TGM5: variants seen among roughly 807,000 people sequenced by gnomAD.
The protein encoded by TGM5 is protein-glutamine gamma-glutamyltransferase 5.
In TGM5, 69 loss-of-function variants were observed where a neutral mutation model predicts 77.2. That is an observed-to-expected ratio of 0.89 (90% CI 0.74 to 1.09). The LOEUF is 1.09. Ranked by LOEUF, TGM5 falls within the 50% of genes least tolerant of loss-of-function variation. The pLI is 0.00. For synonymous variants in TGM5, 346 were observed against 351.8 expected (o/e 0.98, Z 0.18); for missense variants, 842 against 896.5 (o/e 0.94, Z 0.78).
intron 6 of TGM5, among the ~76,000 whole-genome samples, chr15:43,251,572 C>A (rs2042703774): frequency 6.6e-6 from 1 of 152,186 alleles, no homozygotes; most frequent in Admixed American, 6.5e-5. Flanking sequence ...CCTTGCTTGG[C>A]TTCTCTCCCC....
At position 43,238,886 on chromosome 15, in the gene TGM5, A is replaced by G; in HGVS notation, c.1276T>C (p.Phe426Leu). Residue 426 changes from phenylalanine to leucine, a missense_variant, in exon 9 of 13, where the codon TTT (phenylalanine) becomes CTT (leucine). Coordinates refer to ENST00000220420, the MANE Select transcript of TGM5 (RefSeq NM_201631.4). ...LHQDTSSVGN[F>L]ISTKSIQSDE... ...CTCTGGATGCTCTTTGTGCTGATAA[A>G]ATTGCCAACAGAACTCGTGTCCTGG... 1.2e-6 allele frequency: 2 copies of G among 1,614,160 alleles called. No individual in the cohort carries two copies. Among genetic ancestry groups the G allele is most frequent in the Non-Finnish European group, 1.7e-6 (2 of 1,180,028 alleles).
intron 6 of TGM5, among the ~76,000 whole-genome samples, chr15:43,241,959 A>C (rs982798882): frequency 1.4e-4 from 22 of 152,200 alleles, no homozygotes; most frequent in African/African-American, 5.3e-4. Context: ...TTTTAAGTAC[A>C]GGAAAATCTG....
Position 43,266,909 on chromosome 15 carries a change from C to A in TGM5, c.-60G>T. 1 of 1,611,542 alleles carries A rather than the reference C, an allele frequency of 6.2e-7. No individual in the cohort carries two copies. The highest frequency in any genetic ancestry group is 8.5e-7 in the Non-Finnish European group (1 of 1,178,768). On this transcript the variant is annotated 5_prime_UTR_variant, in exon 1 of 13. Coordinates refer to ENST00000220420, the MANE Select transcript of TGM5 (RefSeq NM_201631.4). ...AGAACAGCTGGGCGGTCTGGAGCTTCAGCAAACTGGTGCCAGAGTGTCTAC... is the reference window on the plus strand; with the variant it reads ...AGAACAGCTGGGCGGTCTGGAGCTTAAGCAAACTGGTGCCAGAGTGTCTAC...
chr15:43,239,293 G>A (rs368766859), intron 7 of TGM5, 27 bp from the exon 8 acceptor site: 31 of 1,606,766 alleles, frequency 1.9e-5, no homozygotes, highest in South Asian at 3.3e-5. Flanking sequence ...CAAGGGAGAC[G>A]TTGTACTGCT....
At position 43,256,601 on chromosome 15, in the gene TGM5, G is replaced by T; in HGVS notation, c.522C>A (p.Asn174Lys). ...DYGFIYQGSK[N>K]WIRPCPWNYG... Reference sequence around the variant, plus strand: ...AGTTCCAGGGACATGGGCGGATCCAGTTCTTGCTGCCTTGGTAGATGAAGC... The same window carrying T: ...AGTTCCAGGGACATGGGCGGATCCATTTCTTGCTGCCTTGGTAGATGAAGC... Residue 174 changes from asparagine (N) to lysine (K), a missense_variant, in exon 4 of 13, where the codon AAC (asparagine) becomes AAA (lysine). Asn to Lys is a moderately conservative substitution (Grantham distance 94). Transcript: ENST00000220420. 3.7e-6 allele frequency: 6 copies of T among 1,614,182 alleles called. No individual in the cohort carries two copies. Among genetic ancestry groups the T allele is most frequent in the Non-Finnish European group, 5.1e-6 (6 of 1,180,026 alleles).
intron 3 of TGM5, among the ~76,000 whole-genome samples, chr15:43,257,213 A>T (rs2042748107): frequency 6.6e-6 from 1 of 152,182 alleles, no homozygotes; most frequent in Admixed American, 6.5e-5. Flanking sequence ...GCTGTTTATG[A>T]TTCTGAAAAG....
intron 6 of TGM5, among the ~76,000 whole-genome samples, chr15:43,251,793 T>C (rs1429210450): frequency 6.6e-6 from 1 of 152,200 alleles, no homozygotes; most frequent in Non-Finnish European, 1.5e-5. Flanking sequence ...CCTCATCTCC[T>C]CCTCTTGTCA....
chr15:43,256,544 G>C, intron 4 of TGM5, 24 bp downstream of exon 4: 1 of 1,577,526 alleles, frequency 6.3e-7, no homozygotes, highest in Non-Finnish European at 8.7e-7. Context: ...GCCGGGATGG[G>C]CCATAAGCAG....
chr15:43,256,550 A>G lies in TGM5; in HGVS notation c.555+18T>C, dbSNP rs1184416089. ...AAGCTCGGGGCCGGGATGGGCCATA[A>G]GCAGGGCTGAGACTCACCTGTCCAT... is the stretch of plus-strand genomic sequence containing the variant. On this transcript the variant is annotated intron_variant, in intron 4 of 12. Coordinates refer to ENST00000220420, the MANE Select transcript of TGM5 (RefSeq NM_201631.4). 6.3e-7 allele frequency: 1 copy of G among 1,599,944 alleles called. No homozygotes were observed. The highest frequency in any genetic ancestry group is 8.6e-7 in the Non-Finnish European group (1 of 1,167,070).
chr15:43,259,960 C>T (rs1001844147), intron 3 of TGM5, 92 bp downstream of exon 3: 5 of 1,591,042 alleles, frequency 3.1e-6, no homozygotes, highest in African/African-American at 1.3e-5. Context: ...CTCTGGGTGG[C>T]CCGGGAGCGG....
At chr15:43,239,379 G>A in intron 7 of TGM5, 113 bp from the exon 8 acceptor site, 1 of 1,115,720 alleles carries the variant, frequency 9.0e-7, no homozygotes, top group African/African-American at 1.5e-5. Flanking sequence ...AGCACACACA[G>A]GGCTTAAAAC....
At position 43,240,869 on chromosome 15, in the gene TGM5, C is replaced by T; in HGVS notation, c.984G>A (p.Lys328=). The T allele has an allele frequency of 6.2e-7, 1 of 1,614,174 alleles. No homozygotes were observed. The highest frequency in any genetic ancestry group is 8.5e-7 in the Non-Finnish European group (1 of 1,180,034). Residue 328 remains lysine, a synonymous_variant, in exon 7 of 13, where the codon AAG becomes AAA. Transcript: ENST00000220420. ...TTTCTCACCAGATAGTATCCTTCTT[C>T]TTATTCCCCAAAATCCTGCCTGTGT... ...YDNTGRILGN[K]KKDTIWNFHV... is the part of the protein sequence containing the mutation.
chr15:43,233,720 T>G (rs1223020615), intron 11 of TGM5, 33 bp from the exon 12 acceptor site: 1 of 1,612,554 alleles, frequency 6.2e-7, no homozygotes, highest in African/African-American at 1.3e-5. Context: ...GAGAATTAGT[T>G]CTCATTCCCC....
intron 6 of TGM5, among the ~76,000 whole-genome samples, chr15:43,250,173 A>G (rs1456674673): frequency 1.3e-5 from 2 of 152,120 alleles, no homozygotes; most frequent in African/African-American, 4.8e-5. Flanking sequence ...CCACCACTCA[A>G]TTTCCTCTTC....
chr15:43,250,375 G>A (rs2042695862), intron 6 of TGM5, among the ~76,000 whole-genome samples: 1 of 152,132 alleles, frequency 6.6e-6, no homozygotes, highest in South Asian at 2.1e-4. Flanking sequence ...TACATCTGAG[G>A]AAACTGAGGC....
intron 1 of TGM5, among the ~76,000 whole-genome samples, chr15:43,262,497 G>A (rs1188695297): frequency 6.6e-6 from 1 of 152,146 alleles, no homozygotes; most frequent in African/African-American, 2.4e-5. Flanking sequence ...GAATAGAAGG[G>A]GACTTCCAGC....
At chr15:43,261,097 T>TTTTTTTTTTTTTTTTTTTTG (rs2042787430) in intron 1 of TGM5, among the ~76,000 whole-genome samples, 1 of 97,422 alleles carries the variant, frequency 1.0e-5, no homozygotes, top group African/African-American at 5.1e-5. Context: ...TTTTTTTTTT[T>TTTTTTTTTTTTTTTTTTTTG]TTTTTTTTTT....
chr15:43,235,610 A>T lies in TGM5; in HGVS notation c.1573T>A (p.Phe525Ile). The T allele has an allele frequency of 1.2e-6, 2 of 1,614,204 alleles. No homozygotes were observed. The highest frequency in any genetic ancestry group is 1.7e-6 in the Non-Finnish European group (2 of 1,180,040). The change falls in exon 10 of 13, where the codon TTT becomes ATT. Residue 525 changes from phenylalanine (F) to isoleucine (I), a missense_variant. By Grantham distance (21) the Phe-to-Ile change is conservative. This residue lies in a region of TGM5 where 815 missense variants were observed against 844.6 expected (regional missense o/e 0.96). Transcript: ENST00000220420. ...DPPNMGQDICFVLLALNMSSQ... is the reference protein window; with the variant it reads ...DPPNMGQDICIVLLALNMSSQ... ...GACATGTTGAGGGCCAGCAGGACAAAGCATATATCCTGGCCCATGTTGGGC... is the reference window on the plus strand; with the variant it reads ...GACATGTTGAGGGCCAGCAGGACAATGCATATATCCTGGCCCATGTTGGGC...
chr15:43,233,822 G>T, intron 11 of TGM5, 135 bp from the exon 12 acceptor site: 1 of 1,070,094 alleles, frequency 9.3e-7, no homozygotes, highest in Non-Finnish European at 1.4e-6. Flanking sequence ...AATTCTTTGA[G>T]CCGAAGACAA....
Sources: gnomAD v4.1 joint callset for allele counts (sites outside exome capture counted in the v4.1 genomes callset) on GRCh38, gnomAD v4.1.1 for gene constraint, gnomAD v4.1.1 regional missense constraint, MANE v1.5 for transcripts, NCBI Gene and HGNC (gene_info 2026-07-23, HGNC 2026-07-21) for gene names.